Variants in VPS8 observed in about 807,000 individuals in gnomAD.
The protein encoded by VPS8 is VPS8 subunit of CORVET complex, also known as vacuolar protein sorting-associated protein 8 homolog.
A neutral mutation model predicts 216.4 loss-of-function variants in VPS8; 129 were observed. The observed-to-expected ratio is 0.60, with a 90% confidence interval of 0.52 to 0.69. The LOEUF (loss-of-function observed/expected upper bound fraction) is 0.69. Among genes scored for constraint, VPS8 ranks in the 30% least tolerant of loss-of-function variants. VPS8 has a pLI of 0.00. For synonymous variants in VPS8, 571 were observed against 565.4 expected, an observed-to-expected ratio of 1.01 and a Z score of -0.14; for missense variants, 1,531 against 1,683.5, an observed-to-expected ratio of 0.91 and a Z score of 1.59.
At chr3:184,933,151 A>G (rs1398126371) in intron 34 of VPS8, among the ~76,000 whole-genome samples, 2 of 152,210 alleles carry the variant, frequency 1.3e-5, no homozygotes, top group African/African-American at 2.4e-5. Context: ...TATAATTCCT[A>G]GTTAGTTGAG....
At chr3:184,937,915 CAT>C (rs1350019085) in intron 35 of VPS8, among the ~76,000 whole-genome samples, 1 of 152,142 alleles carries the variant, frequency 6.6e-6, no homozygotes, top group Non-Finnish European at 1.5e-5. Flanking sequence ...AACGGTTTCA[CAT>C]GTGATGCTAT....
intron 45 of VPS8, among the ~76,000 whole-genome samples, chr3:185,020,411 T>C (rs923038554): frequency 7.2e-5 from 11 of 152,178 alleles, no homozygotes; most frequent in Admixed American, 5.2e-4. Context: ...TGAGCTGTTA[T>C]ATTTCTTAAA....
Position 184,898,594 on chromosome 3 carries a change from A to G in VPS8, c.2034A>G (p.Leu678=), listed in dbSNP as rs1334677477. Residue 678 remains leucine, a synonymous_variant, in exon 24 of 48, where the codon TTA becomes TTG. Coordinates refer to ENST00000625842, the MANE Select transcript of VPS8 (RefSeq NM_001009921.3). ...TTCTCATGTGTTGGGAAAATCGTTT[A>G]TATGATGCTATGATCTATGTCTACA... The part of the protein sequence containing the change: ...QVVLMCWENR[L]YDAMIYVYNR... The G allele has an allele frequency of 1.9e-6, 3 of 1,554,602 alleles. No individual in the cohort carries two copies. Among genetic ancestry groups the G allele is most frequent in the Non-Finnish European group, 2.6e-6 (3 of 1,147,986 alleles).
chr3:184,912,427 T>A lies in VPS8; in HGVS notation c.2147-1092T>A, dbSNP rs1478386064. ...AGCTGGGGAGACATGGCCTTCTATC[T>A]TGCAGCAATCTGTTTAGGAACCAAA... On this transcript the variant is annotated intron_variant, in intron 25 of 47. Transcript: ENST00000625842. Among the ~76,000 whole-genome samples, 3 of 152,218 alleles carry A rather than the reference T, an allele frequency of 2.0e-5. No homozygotes were observed. In the East Asian group the frequency reaches 5.8e-4, roughly 29 times the overall value.
intron 39 of VPS8, among the ~76,000 whole-genome samples, chr3:184,969,068 G>A (rs1170656855): frequency 1.3e-5 from 2 of 152,020 alleles, no homozygotes; most frequent in African/African-American, 4.8e-5. Context: ...ATTTGGTTAT[G>A]TTTGTTACAT....
At chr3:184,909,164 A>C (rs777101197) in intron 25 of VPS8, among the ~76,000 whole-genome samples, 2 of 152,230 alleles carry the variant, frequency 1.3e-5, no homozygotes, top group Non-Finnish European at 2.9e-5. Context: ...CCAAGTTGTA[A>C]GGCAATATTG....
chr3:185,039,454 AG>A (rs1405495658), intron 46 of VPS8, among the ~76,000 whole-genome samples: 2 of 151,900 alleles, frequency 1.3e-5, no homozygotes, highest in Non-Finnish European at 2.9e-5. Context: ...ACATGTCCAG[AG>A]ATCACGTTGT....
At chr3:184,864,317 C>A (rs1044970643) in intron 16 of VPS8, among the ~76,000 whole-genome samples, 1 of 152,098 alleles carries the variant, frequency 6.6e-6, no homozygotes, top group African/African-American at 2.4e-5. Flanking sequence ...GTGGAGGAAC[C>A]CAAATGGAGC....
chr3:184,956,568 G>A (rs1745639530), intron 36 of VPS8, among the ~76,000 whole-genome samples: 1 of 152,186 alleles, frequency 6.6e-6, no homozygotes, highest in African/African-American at 2.4e-5. Context: ...AGGACTCTCA[G>A]AAGGAACTAA....
At chr3:184,866,975 G>A in intron 17 of VPS8, 25 bp downstream of exon 17, 1 of 1,607,606 alleles carries the variant, frequency 6.2e-7, no homozygotes, top group Non-Finnish European at 8.5e-7. Context: ...TCTGTGAGTT[G>A]GTATTTGTAT....
At chr3:184,947,209 T>C (rs1743837178) in intron 36 of VPS8, among the ~76,000 whole-genome samples, 1 of 152,214 alleles carries the variant, frequency 6.6e-6, no homozygotes, top group African/African-American at 2.4e-5. Flanking sequence ...ATCAGGCAGA[T>C]AGAGGCGGGA....
At chr3:184,848,415 T>C (rs906902569) in intron 8 of VPS8, among the ~76,000 whole-genome samples, 25 of 152,134 alleles carry the variant, frequency 1.6e-4, no homozygotes, top group African/African-American at 5.8e-4. Context: ...TCCCGATAAC[T>C]TTGCATCTTA....
intron 40 of VPS8, among the ~76,000 whole-genome samples, chr3:184,977,884 C>CTTTTTTTT (rs55727843): frequency 8.0e-3 from 1,036 of 129,460 alleles, no homozygotes; most frequent in Non-Finnish European, 0.011. Context: ...TTTCTTTTTT[C>CTTTTTTTT]TTTTTTTTTT....
rs917892862 is a variant in VPS8 at position 185,027,423 on chromosome 3, T to C, written c.4056+3034T>C. 2.0e-5 allele frequency among the ~76,000 whole-genome samples: 3 copies of C among 151,442 alleles called. No individual in the cohort carries two copies. In the East Asian group the frequency reaches 5.9e-4, roughly 30 times the overall value. Reference sequence around the variant, plus strand: ...ACGCCCGGCTAATTTTTTGTATTTTTAGTAGAGACGGGGTTTCACTGTGTT... The same window carrying C: ...ACGCCCGGCTAATTTTTTGTATTTTCAGTAGAGACGGGGTTTCACTGTGTT... On this transcript the variant is annotated intron_variant, in intron 46 of 47. Transcript: ENST00000625842.
At chr3:185,020,317 A>T (rs1341377937) in intron 45 of VPS8, among the ~76,000 whole-genome samples, 1 of 152,252 alleles carries the variant, frequency 6.6e-6, no homozygotes, top group East Asian at 1.9e-4. Flanking sequence ...AATGTGCAAC[A>T]TAGAAAGATC....
At chr3:184,884,562 C>G (rs545672064) in intron 21 of VPS8, among the ~76,000 whole-genome samples, 27 of 152,288 alleles carry the variant, frequency 1.8e-4, no homozygotes, top group African/African-American at 5.8e-4. Context: ...AAATTTACCC[C>G]CTCTGAGCCC....
At chr3:184,886,064 T>C in intron 21 of VPS8, 46 bp from the exon 22 acceptor site, 1 of 1,582,898 alleles carries the variant, frequency 6.3e-7, no homozygotes, top group Non-Finnish European at 8.6e-7. Context: ...AGTGGACCAC[T>C]GGACAGGGTT....
intron 43 of VPS8, 138 bp from the exon 44 acceptor site, chr3:184,996,191 CAAT>C: frequency 9.9e-7 from 1 of 1,012,640 alleles, no homozygotes; most frequent in Non-Finnish European, 1.4e-6. Context: ...TTTGTTTCAA[CAAT>C]GTTATCCCTT....
intron 20 of VPS8, among the ~76,000 whole-genome samples, chr3:184,870,418 A>G (rs1728123057): frequency 6.6e-6 from 1 of 152,184 alleles, no homozygotes; most frequent in South Asian, 2.1e-4. Context: ...CTCTTTAGGG[A>G]AACACCTACA....
Sources: allele counts gnomAD v4.1 joint callset (sites outside exome capture counted in the v4.1 genomes callset), GRCh38; gene constraint gnomAD v4.1.1; transcripts MANE v1.5; gene names NCBI Gene and HGNC (gene_info 2026-07-23, HGNC 2026-07-21).